Variants in CDK14 observed in about 807,000 individuals in gnomAD.
CDK14 encodes cyclin-dependent kinase 14.
CDK14 carries 34 observed loss-of-function variants against 60.7 expected under a neutral mutation model. That is an observed-to-expected ratio of 0.56 (90% CI 0.43 to 0.75). The LOEUF is 0.75. Ranked by LOEUF, CDK14 falls within the 30% of genes least tolerant of loss-of-function variation. The pLI, the probability that CDK14 is intolerant of heterozygous loss-of-function variation, is 0.00. For synonymous variants in CDK14, 197 were observed against 203.7 expected, an observed-to-expected ratio of 0.97 and a Z score of 0.28; for missense variants, 482 against 564.1, an observed-to-expected ratio of 0.85 and a Z score of 1.47.
intron 14 of CDK14, among the ~76,000 whole-genome samples, chr7:91,174,058 T>A (rs1274144307): frequency 3.3e-5 from 5 of 152,152 alleles, no homozygotes; most frequent in African/African-American, 1.2e-4. Context: ...AATGTCCCTG[T>A]ATGACAGCTT....
intron 2 of CDK14, among the ~76,000 whole-genome samples, chr7:90,655,088 A>C (rs531493328): frequency 2.2e-4 from 34 of 151,644 alleles, no homozygotes; most frequent in Admixed American, 9.9e-4. Flanking sequence ...AATAGTCTGT[A>C]GCCTTTTCAA....
intron 7 of CDK14, among the ~76,000 whole-genome samples, chr7:90,910,542 C>A (rs1792860053): frequency 6.6e-6 from 1 of 152,112 alleles, no homozygotes; most frequent in African/African-American, 2.4e-5. Flanking sequence ...ATGGAACATA[C>A]TATTTGAAGT....
intron 2 of CDK14, among the ~76,000 whole-genome samples, chr7:90,668,511 G>A (rs1801029494): frequency 6.6e-6 from 1 of 151,890 alleles, no homozygotes; most frequent in Non-Finnish European, 1.5e-5. Flanking sequence ...GTTAAATTTT[G>A]ATTATGTCCA....
At chr7:90,683,972 A>G (rs1801377772) in intron 2 of CDK14, among the ~76,000 whole-genome samples, 1 of 152,016 alleles carries the variant, frequency 6.6e-6, no homozygotes, top group Non-Finnish European at 1.5e-5. Context: ...GTATGTGTAT[A>G]TATGCACATG....
chr7:90,973,730 T>A (rs1161494368), intron 9 of CDK14, among the ~76,000 whole-genome samples: 1 of 151,968 alleles, frequency 6.6e-6, no homozygotes, highest in Non-Finnish European at 1.5e-5. Flanking sequence ...CCAGCAATTT[T>A]TTTTAGGGAT....
At chr7:91,106,504 TAAATA>T (rs1049004447) in intron 12 of CDK14, among the ~76,000 whole-genome samples, 3 of 152,152 alleles carry the variant, frequency 2.0e-5, no homozygotes, top group African/African-American at 7.2e-5. Flanking sequence ...TAAACATGGG[TAAATA>T]AAATAATAAC....
chr7:91,191,617 A>G (rs1802364707), intron 14 of CDK14, among the ~76,000 whole-genome samples: 1 of 151,498 alleles, frequency 6.6e-6, no homozygotes. Flanking sequence ...CTGTGTTCAG[A>G]TGGGGGGGTG....
At chr7:90,855,232 T>C (rs1444909422) in intron 5 of CDK14, among the ~76,000 whole-genome samples, 3 of 152,210 alleles carry the variant, frequency 2.0e-5, no homozygotes, top group African/African-American at 7.2e-5. Context: ...GGGTCTACAG[T>C]GTACCAGGAT....
chr7:91,072,253 G>T (rs2116185083), intron 11 of CDK14, among the ~76,000 whole-genome samples: 1 of 152,230 alleles, frequency 6.6e-6, no homozygotes, highest in South Asian at 2.1e-4. Context: ...CCCTATATAG[G>T]AATGTTTCTA....
chr7:91,037,074 C>CT (rs1284103347), intron 10 of CDK14, among the ~76,000 whole-genome samples: 4 of 152,176 alleles, frequency 2.6e-5, no homozygotes, highest in African/African-American at 4.8e-5. Context: ...AACCACAAGT[C>CT]TTTTTTTATG....
At chr7:91,014,524 T>C (rs925988086) in intron 10 of CDK14, among the ~76,000 whole-genome samples, 2 of 152,188 alleles carry the variant, frequency 1.3e-5, no homozygotes, top group African/African-American at 4.8e-5. Context: ...CTATAAAACA[T>C]ACAATGATGA....
At chr7:90,687,047 A>ATT (rs577500650) in intron 2 of CDK14, among the ~76,000 whole-genome samples, 6 of 150,726 alleles carry the variant, frequency 4.0e-5, no homozygotes, top group Non-Finnish European at 7.4e-5. Flanking sequence ...TTGTGATTGA[A>ATT]TTTTTTTTTT....
intron 14 of CDK14, among the ~76,000 whole-genome samples, chr7:91,192,776 T>A (rs73708284): frequency 5.9e-5 from 9 of 152,164 alleles, no homozygotes; most frequent in Non-Finnish European, 8.8e-5. Context: ...ACTGATGACA[T>A]TAATAGAGAA....
At chr7:91,150,684 G>T (rs1800806678) in intron 14 of CDK14, among the ~76,000 whole-genome samples, 1 of 152,138 alleles carries the variant, frequency 6.6e-6, no homozygotes, top group African/African-American at 2.4e-5. Flanking sequence ...CAAAGGATAG[G>T]ATTTGTCCTA....
intron 2 of CDK14, among the ~76,000 whole-genome samples, chr7:90,694,166 C>A (rs932470261): frequency 6.6e-6 from 1 of 151,960 alleles, no homozygotes; most frequent in African/African-American, 2.4e-5. Context: ...TGTAGGTGTT[C>A]ATTATATGAT....
chr7:90,846,623 C>A (rs573531885), intron 5 of CDK14, among the ~76,000 whole-genome samples: 24 of 152,108 alleles, frequency 1.6e-4, no homozygotes, highest in Non-Finnish European at 2.9e-4. Context: ...ATGTAAAAAC[C>A]TGTCAGTCAC....
At chr7:90,775,688 TCTC>T (rs1167529967) in intron 4 of CDK14, among the ~76,000 whole-genome samples, 5 of 106,058 alleles carry the variant, frequency 4.7e-5, no homozygotes, top group East Asian at 5.2e-4. Flanking sequence ...TCATTTTCCT[TCTC>T]CTCCTCCTCT....
At chr7:90,774,057 C>G (rs1489498806) in intron 4 of CDK14, among the ~76,000 whole-genome samples, 2 of 152,006 alleles carry the variant, frequency 1.3e-5, no homozygotes, top group Non-Finnish European at 2.9e-5. Flanking sequence ...GCGCTTGCCA[C>G]CATGCCTGGC....
intron 10 of CDK14, among the ~76,000 whole-genome samples, chr7:91,037,472 C>A (rs1351332308): frequency 6.6e-6 from 1 of 152,020 alleles, no homozygotes; most frequent in Non-Finnish European, 1.5e-5. Context: ...ATGAAAAAAA[C>A]CTCATTCTGA....
Sources: allele counts gnomAD v4.1 joint callset (sites outside exome capture counted in the v4.1 genomes callset), GRCh38; gene constraint gnomAD v4.1.1; transcripts MANE v1.5; gene names NCBI Gene and HGNC (gene_info 2026-07-23, HGNC 2026-07-21).